Variants in CHEK2 observed in about 807,000 individuals in gnomAD.
The protein encoded by CHEK2 is serine/threonine-protein kinase Chk2.
CHEK2 carries 71 observed loss-of-function variants against 69.1 expected under a neutral mutation model. That is an observed-to-expected ratio of 1.03 (90% confidence interval 0.85 to 1.25). The LOEUF (loss-of-function observed/expected upper bound fraction) is 1.25, where lower values mean the gene tolerates loss of function less well. CHEK2 is among the 50% of genes most tolerant of loss of function. The pLI is 0.00. For missense variants in CHEK2, 664 were observed against 649.6 expected (o/e 1.02, Z -0.24); for synonymous variants, 189 against 226.9 (o/e 0.83, Z 1.50).
At chr22:28,711,202 C>G (rs2053378074) in intron 6 of CHEK2, among the ~76,000 whole-genome samples, 1 of 151,966 alleles carries the variant, frequency 6.6e-6, no homozygotes, top group Non-Finnish European at 1.5e-5. Context: ...ATGTTGATTA[C>G]AAAAGAGTAG....
intron 2 of CHEK2, among the ~76,000 whole-genome samples, chr22:28,725,849 C>A (rs1041812176): frequency 2.0e-5 from 3 of 150,950 alleles, no homozygotes; most frequent in Non-Finnish European, 2.9e-5. Flanking sequence ...GTCGAGGCTG[C>A]AGTGAGCTGA....
intron 1 of CHEK2, among the ~76,000 whole-genome samples, chr22:28,739,041 G>A (rs1256009619): frequency 6.6e-6 from 1 of 152,072 alleles, no homozygotes; most frequent in Non-Finnish European, 1.5e-5. Context: ...GGCCAAGGTG[G>A]GTGAATCATC....
In CHEK2 at chr22:28,734,399, T is replaced by C; in HGVS notation, c.319+4A>G. ...ACGTGATACTATACAACAAAGGGTC[T>C]TACCAAGATTGGCAAATCCATCCTG... is the stretch of plus-strand genomic sequence containing the variant. On this transcript the variant is annotated splice_donor_region_variant and intron_variant, in intron 2 of 14. Coordinates refer to ENST00000404276, the MANE Select transcript of CHEK2 (RefSeq NM_007194.4). 1.2e-6 allele frequency: 2 copies of C among 1,613,666 alleles called. No homozygotes were observed. The highest frequency in any genetic ancestry group is 1.7e-6 in the Non-Finnish European group (2 of 1,179,580).
At chr22:28,721,775 G>A in intron 4 of CHEK2, 1 of 339,036 alleles carries the variant, frequency 2.9e-6, no homozygotes, top group Non-Finnish European at 6.2e-6. Flanking sequence ...CTCTTGCCCA[G>A]GGAAGAGTAC....
At chr22:28,724,858 G>T in intron 4 of CHEK2, 119 bp downstream of exon 4, 2 of 1,080,476 alleles carry the variant, frequency 1.9e-6, no homozygotes, top group Non-Finnish European at 2.8e-6. Context: ...GAGCCACCAC[G>T]CCCAGCAACT....
intron 5 of CHEK2, 134 bp from the exon 6 acceptor site, chr22:28,712,151 G>C (rs1392776741): frequency 1.4e-6 from 1 of 694,090 alleles, no homozygotes; most frequent in East Asian, 2.9e-5. Context: ...TGTTTGCAGA[G>C]GACACAGTGA....
At chr22:28,702,087 G>C (rs1464575680) in intron 8 of CHEK2, among the ~76,000 whole-genome samples, 1 of 150,538 alleles carries the variant, frequency 6.6e-6, no homozygotes, top group Non-Finnish European at 1.5e-5. Flanking sequence ...AAATCACAGG[G>C]ATTCCAGGCA....
At chr22:28,731,635 T>G (rs1434274886) in intron 2 of CHEK2, among the ~76,000 whole-genome samples, 1 of 149,900 alleles carries the variant, frequency 6.7e-6, no homozygotes, top group Non-Finnish European at 1.5e-5. Flanking sequence ...AGTCTCTATT[T>G]ATTCAGCACC....
intron 5 of CHEK2, among the ~76,000 whole-genome samples, chr22:28,718,964 C>T (rs969074498): frequency 1.3e-5 from 2 of 150,482 alleles, no homozygotes; most frequent in East Asian, 2.0e-4. Context: ...TGGTGGCTCA[C>T]GCTACTAATC....
intron 2 of CHEK2, among the ~76,000 whole-genome samples, chr22:28,726,964 T>G (rs2054033186): frequency 6.6e-6 from 1 of 151,610 alleles, no homozygotes; most frequent in South Asian, 2.1e-4. Flanking sequence ...CACAAATGGC[T>G]CATTCCACCT....
chr22:28,712,450 T>C (rs2053438936), intron 5 of CHEK2, among the ~76,000 whole-genome samples: 1 of 152,240 alleles, frequency 6.6e-6, no homozygotes. Context: ...ATTTCTTTCC[T>C]TCTTATTCTC....
At chr22:28,740,205 A>T (rs1054743495) in intron 1 of CHEK2, among the ~76,000 whole-genome samples, 18 of 152,222 alleles carry the variant, frequency 1.2e-4, no homozygotes, top group Non-Finnish European at 2.5e-4. Flanking sequence ...GTCTCAAAAA[A>T]AACACTGTAC....
chr22:28,705,645 G>T (rs1431861242), intron 7 of CHEK2, among the ~76,000 whole-genome samples: 2 of 152,082 alleles, frequency 1.3e-5, no homozygotes, highest in African/African-American at 4.8e-5. Flanking sequence ...AAAGCAAGGG[G>T]CCGGGCGCAG....
chr22:28,697,049 G>A, intron 9 of CHEK2, 62 bp from the exon 10 acceptor site: 1 of 1,002,812 alleles, frequency 1.0e-6, no homozygotes, highest in Non-Finnish European at 1.6e-6. Flanking sequence ...TAGAATCAAA[G>A]TTACCAACAC....
intron 7 of CHEK2, chr22:28,708,940 G>T: frequency 2.7e-6 from 1 of 365,696 alleles, no homozygotes; most frequent in Admixed American, 3.6e-5. Flanking sequence ...GTGACAGAGC[G>T]AGCCTCCGTC....
At chr22:28,697,069 A>C in intron 9 of CHEK2, 82 bp from the exon 10 acceptor site, 189 of 839,244 alleles carry the variant, frequency 2.3e-4, no homozygotes, top group Non-Finnish European at 3.5e-4. Flanking sequence ...CACACATCTC[A>C]CAGCTGGGTG....
intron 1 of CHEK2, among the ~76,000 whole-genome samples, chr22:28,736,938 T>C (rs1254473040): frequency 6.6e-6 from 1 of 152,020 alleles, no homozygotes; most frequent in Non-Finnish European, 1.5e-5. Context: ...AGTGAGACCC[T>C]ATCTCCAAAG....
At chr22:28,708,272 C>T (rs1036764389) in intron 7 of CHEK2, among the ~76,000 whole-genome samples, 6 of 151,550 alleles carry the variant, frequency 4.0e-5, no homozygotes, top group African/African-American at 1.2e-4. Context: ...GCAGGAGTAT[C>T]GCTTGGTCCC....
intron 2 of CHEK2, among the ~76,000 whole-genome samples, chr22:28,728,646 G>A (rs1257569749): frequency 6.6e-6 from 1 of 152,046 alleles, no homozygotes; most frequent in Non-Finnish European, 1.5e-5. Context: ...AGGCTGCAGT[G>A]AGCCAATATT....
Sources: gnomAD v4.1 joint callset for allele counts (sites outside exome capture counted in the v4.1 genomes callset) on GRCh38, gnomAD v4.1.1 for gene constraint, MANE v1.5 for transcripts, NCBI Gene and HGNC (gene_info 2026-07-23, HGNC 2026-07-21) for gene names.